Variants in TNK2 observed in about 807,000 individuals in gnomAD.
The protein encoded by TNK2 is tyrosine kinase non receptor 2.
A neutral mutation model predicts 101.8 loss-of-function variants in TNK2; 83 were observed. The observed-to-expected ratio is 0.82, with a 90% CI of 0.68 to 0.98. The LOEUF (loss-of-function observed/expected upper bound fraction) is 0.98, where lower values mean the gene tolerates loss of function less well. Among genes scored for constraint, TNK2 ranks in the 50% least tolerant of loss-of-function variants. The pLI, the probability that TNK2 is intolerant of heterozygous loss-of-function variation, is 0.00. For missense variants in TNK2, 1,665 were observed against 1,483.2 expected, an observed-to-expected ratio of 1.12 and a Z score of -2.01; for synonymous variants, 804 against 633.0, an observed-to-expected ratio of 1.27 and a Z score of -4.06.
chr3:195,897,824 C>T (rs1760795239), intron 1 of TNK2, among the ~76,000 whole-genome samples: 1 of 134,446 alleles, frequency 7.4e-6, no homozygotes, highest in Non-Finnish European at 1.6e-5. Flanking sequence ...CCCCACCCCC[C>T]CCCCACCCCC....
In TNK2 at chr3:195,867,917, G is replaced by A. The variant is rs746952333; in HGVS notation, c.2381C>T (p.Pro794Leu). Reference sequence around the variant, plus strand: ...TTGAGGGGACAGGGGCTCCCGCGGAGGCACCCGGGGAGGGGAAGCAGGTCC... The same window carrying A: ...TTGAGGGGACAGGGGCTCCCGCGGAAGCACCCGGGGAGGGGAAGCAGGTCC... ...WPGPASPPRV[P>L]PREPLSPQGS... The change falls in exon 13 of 16, where the codon CCT becomes CTT. Residue 794 changes from proline (P) to leucine (L), a missense_variant. Pro to Leu is a moderately conservative substitution (Grantham distance 98). This residue lies in a region of TNK2 where 1,136 missense variants were observed against 894.9 expected (regional missense o/e 1.27). Transcript: ENST00000672887. The A allele has an allele frequency of 2.0e-6, 3 of 1,532,302 alleles. No individual in the cohort carries two copies. The highest frequency in any genetic ancestry group is 1.2e-5 in the South Asian group (1 of 80,348). The allele number at this position is 1,532,302 out of a possible 1,614,324, so 94.9% of individuals were successfully genotyped here.
At chr3:195,892,499 C>T (rs1051526991) in intron 1 of TNK2, 22 of 1,534,976 alleles carry the variant, frequency 1.4e-5, no homozygotes, top group African/African-American at 8.2e-5. Context: ...CTCCACGCAG[C>T]GGGACCCCCC....
rs564311233 is a variant in TNK2, at chr3:195,907,900, C to T, written c.-19+585G>A. 3.3e-5 allele frequency among the ~76,000 whole-genome samples: 5 copies of T among 152,328 alleles called. No homozygotes were observed. The South Asian group carries it at 6.2e-4, about 19-fold the overall frequency. ...GAGGGCTCACCAGTTGCTCTCCCTC[C>T]TTCCGCCCACTAATCATCCTTGGCT... is the stretch of plus-strand genomic sequence containing the variant. On this transcript the variant is annotated intron_variant, in intron 1 of 15. Coordinates refer to ENST00000672887, the MANE Select transcript of TNK2 (RefSeq NM_001382273.1).
intron 1 of TNK2, among the ~76,000 whole-genome samples, chr3:195,890,114 G>A (rs1757767250): frequency 6.6e-6 from 1 of 152,256 alleles, no homozygotes; most frequent in African/African-American, 2.4e-5. Flanking sequence ...GAAACTCTCA[G>A]TTCAAATCCT....
intron 9 of TNK2, chr3:195,872,699 C>T (rs999841571): frequency 1.7e-5 from 9 of 532,126 alleles, no homozygotes; most frequent in Non-Finnish European, 3.0e-5. Context: ...GGTCAGGCAG[C>T]TTTCCCTATG....
At chr3:195,898,730 A>G (rs1043328224) in intron 1 of TNK2, among the ~76,000 whole-genome samples, 1 of 151,896 alleles carries the variant, frequency 6.6e-6, no homozygotes, top group African/African-American at 2.4e-5. Flanking sequence ...GGCTCAAGTG[A>G]CCCTCCCACC....
At position 195,867,390 on chromosome 3, in the gene TNK2, C is replaced by T. The variant is rs895168318; in HGVS notation, c.2908G>A (p.Ala970Thr). The change falls in exon 13 of 16, where the codon GCG becomes ACG. Residue 970 changes from alanine to threonine, a missense_variant. Coordinates refer to ENST00000672887, the MANE Select transcript of TNK2 (RefSeq NM_001382273.1). Reference sequence around the variant, plus strand: ...TGGATCTTGTCTGCTGGCCGGCCCGCCTCTGGCCCATCGCCAGGGCAGCCC... The same window carrying T: ...TGGATCTTGTCTGCTGGCCGGCCCGTCTCTGGCCCATCGCCAGGGCAGCCC... ...QRGCPGDGPE[A>T]GRPADKIQML... The T allele has an allele frequency of 8.7e-6, 14 of 1,606,348 alleles. No individual in the cohort carries two copies. Among genetic ancestry groups the T allele is most frequent in the African/African-American group, 1.3e-5 (1 of 75,006 alleles).
rs1287952824 is a variant in TNK2, at chr3:195,867,408, G to T, written c.2890C>A (p.Pro964Thr). 1.9e-6 allele frequency: 3 copies of T among 1,604,552 alleles called. No homozygotes were observed. The highest frequency in any genetic ancestry group is 1.7e-6 in the Non-Finnish European group (2 of 1,178,370). ...CGGCCCGCCTCTGGCCCATCGCCAG[G>T]GCAGCCCCTCTGTGGCAGCCGAGCA... Reference protein sequence around the residue: ...ATARLPQRGCPGDGPEAGRPA... With the variant: ...ATARLPQRGCTGDGPEAGRPA... The change falls in exon 13 of 16, where the codon CCT (proline) becomes ACT (threonine). Residue 964 changes from proline to threonine, a missense_variant. Pro to Thr is a conservative substitution (Grantham distance 38). Coordinates refer to ENST00000672887, the MANE Select transcript of TNK2 (RefSeq NM_001382273.1).
At chr3:195,871,953 CTGGAGAA>C (rs1745666173) in intron 10 of TNK2, among the ~76,000 whole-genome samples, 8 of 95,896 alleles carry the variant, frequency 8.3e-5, no homozygotes, top group East Asian at 2.5e-4. Context: ...GAACATTCCC[CTGGAGAA>C]CCCTCCCCTG....
intron 1 of TNK2, chr3:195,892,630 G>C: frequency 7.0e-7 from 1 of 1,433,634 alleles, no homozygotes; most frequent in Non-Finnish European, 9.1e-7. Flanking sequence ...CCTCCGCTCT[G>C]CTGCAAGCCC....
chr3:195,887,333 A>G (rs531122525), intron 2 of TNK2, among the ~76,000 whole-genome samples: 3 of 152,338 alleles, frequency 2.0e-5, no homozygotes, highest in African/African-American at 7.2e-5. Context: ...AATTTTCTCA[A>G]TGTTGAGGTT....
chr3:195,876,856 GAC>G (rs1749683781), intron 9 of TNK2: 1 of 357,134 alleles, frequency 2.8e-6, no homozygotes, highest in African/African-American at 2.1e-5. Context: ...CAGCTCCAGA[GAC>G]ACACGCCCCA....
chr3:195,897,554 T>C (rs897493606), intron 1 of TNK2, among the ~76,000 whole-genome samples: 1 of 152,180 alleles, frequency 6.6e-6, no homozygotes, highest in Non-Finnish European at 1.5e-5. Flanking sequence ...TAGACTGGAG[T>C]GCAGTGGTGC....
intron 1 of TNK2, 165 bp downstream of exon 1, chr3:195,908,320 G>A (rs1411902033): frequency 2.6e-5 from 4 of 152,624 alleles, no homozygotes; most frequent in Non-Finnish European, 4.4e-5. Flanking sequence ...CAGTACTGGC[G>A]GGGGAGAGGT....
intron 1 of TNK2, among the ~76,000 whole-genome samples, chr3:195,893,718 T>A (rs1337813203): frequency 6.6e-6 from 1 of 152,058 alleles, no homozygotes; most frequent in African/African-American, 2.4e-5. Flanking sequence ...CCCTCCCTGC[T>A]GAGCCATGCC....
intron 1 of TNK2, among the ~76,000 whole-genome samples, chr3:195,898,263 C>T (rs961674205): frequency 2.6e-5 from 4 of 152,164 alleles, no homozygotes; most frequent in Non-Finnish European, 4.4e-5. Context: ...TTCCTCCCAA[C>T]GGTGACAATG....
intron 2 of TNK2, 147 bp from the exon 3 acceptor site, chr3:195,887,194 CTCAACTG>C: frequency 2.7e-6 from 2 of 743,906 alleles, no homozygotes; most frequent in Non-Finnish European, 4.5e-6. Flanking sequence ...AACCCGGAGC[CTCAACTG>C]ACCGACGGTC....
Position 195,885,294 on chromosome 3 carries a change from G to T in TNK2, c.235-261C>A. 7.8e-7 allele frequency: 1 copy of T among 1,286,418 alleles called. No individual in the cohort carries two copies. Among genetic ancestry groups the T allele is most frequent in the Non-Finnish European group, 1.0e-6 (1 of 969,906 alleles). 79.7% of individuals were successfully genotyped at this position (1,286,418 alleles called of 1,614,324 possible). On this transcript the variant is annotated intron_variant, in intron 3 of 15. Transcript: ENST00000672887. This position sits in a 1 kb window ranked among gnomAD's most constrained non-coding sequence, Gnocchi z 4.7. ...ACAGGCATGCAGCCTGTGGCTGAGC[G>T]GCCCCACACCCAGCTGTGTGGAGAG...
At position 195,868,106 on chromosome 3, in the gene TNK2, C is replaced by G; in HGVS notation, c.2192G>C (p.Arg731Thr). 1 of 1,611,328 alleles carries G rather than the reference C, an allele frequency of 6.2e-7. No homozygotes were observed. The highest frequency in any genetic ancestry group is 8.5e-7 in the Non-Finnish European group (1 of 1,179,412). The change falls in exon 13 of 16, where the codon AGG (arginine) becomes ACG (threonine). Residue 731 changes from arginine to threonine, a missense_variant. Around this residue, in one of 3 missense-constraint regions of TNK2, gnomAD observed 1,136 missense variants for 894.9 expected, o/e 1.27. Transcript: ENST00000672887. ...GGAGCCGGCCGGAGCCTGCAGTTGC[C>G]TCATGCACTCCTGCTGTAGCGCCTG... is the stretch of plus-strand genomic sequence containing the variant. ...IFQALQQECMRQLQAPAGSPA... is the reference protein window; with the variant it reads ...IFQALQQECMTQLQAPAGSPA...
Sources: allele counts gnomAD v4.1 joint callset (sites outside exome capture counted in the v4.1 genomes callset), GRCh38; gene constraint gnomAD v4.1.1; regional missense constraint gnomAD v4.1.1; non-coding constraint Gnocchi (gnomAD v3.1); transcripts MANE v1.5; gene names NCBI Gene and HGNC (gene_info 2026-07-23, HGNC 2026-07-21).